The following PCMT1 variants were observed in gnomAD, a reference collection of about 807,000 sequenced individuals.
PCMT1 encodes the protein protein-L-isoaspartate (D-aspartate) O-methyltransferase.
PCMT1 carries 9 observed loss-of-function variants against 29.2 expected under a neutral mutation model. That is an observed-to-expected ratio of 0.31 (90% CI 0.19 to 0.54). The LOEUF (loss-of-function observed/expected upper bound fraction) is 0.54. PCMT1 is among the 20% of genes least tolerant of loss of function. PCMT1 has a pLI of 0.95. For synonymous variants in PCMT1, 98 were observed against 97.5 expected (o/e 1.00, Z -0.03); for missense variants, 184 against 282.2 (o/e 0.65, Z 2.49).
intron 7 of PCMT1, among the ~76,000 whole-genome samples, chr6:149,808,933 G>GC (rs78799831): frequency 1 from 150,862 of 150,866 alleles, 75,429 homozygotes; most frequent in Middle Eastern, 1. Flanking sequence ...ACTGCCCCTG[G>GC]CAAATTGTAG....
intron 3 of PCMT1, among the ~76,000 whole-genome samples, chr6:149,786,356 G>A (rs1298489868): frequency 1.8e-5 from 2 of 109,432 alleles, no homozygotes; most frequent in Non-Finnish European, 3.6e-5. Flanking sequence ...GCGGCTGGCC[G>A]GGCGGGGGGC....
At chr6:149,803,073 A>C (rs1489602761) in intron 7 of PCMT1, among the ~76,000 whole-genome samples, 1 of 150,846 alleles carries the variant, frequency 6.6e-6, no homozygotes. Flanking sequence ...AAAAAAAAAA[A>C]AAAAAAAAAC....
At chr6:149,779,872 T>C (rs1270796351) in intron 3 of PCMT1, among the ~76,000 whole-genome samples, 1 of 151,896 alleles carries the variant, frequency 6.6e-6, no homozygotes, top group Admixed American at 6.6e-5. Context: ...TCTAGCATGG[T>C]TGGGAAATTG....
chr6:149,752,737 T>C (rs1786372024), intron 1 of PCMT1, among the ~76,000 whole-genome samples: 1 of 152,204 alleles, frequency 6.6e-6, no homozygotes, highest in South Asian at 2.1e-4. Flanking sequence ...TTAAGTAATT[T>C]TCCACCGGTA....
chr6:149,806,570 T>A (rs938908528), intron 7 of PCMT1, among the ~76,000 whole-genome samples: 13 of 152,060 alleles, frequency 8.5e-5, no homozygotes, highest in South Asian at 6.2e-4. Flanking sequence ...TTTCAAACTT[T>A]CCGTTTTTGT....
chr6:149,806,497 C>T (rs1394839056), intron 7 of PCMT1, among the ~76,000 whole-genome samples: 1 of 152,204 alleles, frequency 6.6e-6, no homozygotes, highest in East Asian at 1.9e-4. Flanking sequence ...TCACTGTTTT[C>T]TGGGAATTAT....
At chr6:149,788,191 G>A (rs1788206906) in intron 3 of PCMT1, among the ~76,000 whole-genome samples, 1 of 152,166 alleles carries the variant, frequency 6.6e-6, no homozygotes, top group Non-Finnish European at 1.5e-5. Context: ...GGGATTACAG[G>A]TGTGAGCCAC....
rs375088137 is a variant in PCMT1, at chr6:149,794,527, A to T, written c.418+858A>T. Among the ~76,000 whole-genome samples the T allele has an allele frequency of 2.0e-5, 3 of 152,322 alleles. No homozygotes were observed. In the East Asian group the frequency reaches 5.8e-4, roughly 29 times the overall value. The stretch of plus-strand genomic sequence containing the variant: ...TAGCTACTCGGGAGGCTGAGGCAGG[A>T]GAATCGCTTGAACCCGAGAGGTGGA... On this transcript the variant is annotated intron_variant, in intron 5 of 7. Transcript: ENST00000464889.
At chr6:149,792,341 T>C (rs1316792094) in intron 4 of PCMT1, among the ~76,000 whole-genome samples, 1 of 152,072 alleles carries the variant, frequency 6.6e-6, no homozygotes, top group East Asian at 1.9e-4. Flanking sequence ...ACGGTTAACT[T>C]GCCAAGGTAT....
intron 1 of PCMT1, among the ~76,000 whole-genome samples, chr6:149,751,991 G>T (rs905698977): frequency 1.3e-5 from 2 of 150,166 alleles, no homozygotes; most frequent in Non-Finnish European, 3.0e-5. Flanking sequence ...TCCCACTTCA[G>T]CCTCCTGAGT....
chr6:149,773,599 C>T (rs956770509), intron 3 of PCMT1, among the ~76,000 whole-genome samples: 2 of 152,118 alleles, frequency 1.3e-5, no homozygotes, highest in East Asian at 1.9e-4. Context: ...AGGATGGTCT[C>T]GATCTCCTGA....
chr6:149,755,308 C>A (rs1786464958), intron 1 of PCMT1, among the ~76,000 whole-genome samples: 1 of 151,994 alleles, frequency 6.6e-6, no homozygotes, highest in South Asian at 2.1e-4. Context: ...GTCTCAGCTA[C>A]ATGAGCTACG....
At chr6:149,755,562 A>G (rs1016283135) in intron 1 of PCMT1, among the ~76,000 whole-genome samples, 1 of 152,222 alleles carries the variant, frequency 6.6e-6, no homozygotes, top group Non-Finnish European at 1.5e-5. Flanking sequence ...CACTGAAAGC[A>G]ATTGTTCTTT....
intron 1 of PCMT1, among the ~76,000 whole-genome samples, chr6:149,750,746 T>C (rs963079709): frequency 3.3e-5 from 5 of 152,164 alleles, no homozygotes; most frequent in Non-Finnish European, 1.5e-5. Flanking sequence ...TTAGTTACTG[T>C]ATTCCTTCTT....
chr6:149,789,804 C>T (rs1788280251), intron 3 of PCMT1, 150 bp from the exon 4 acceptor site: 9 of 458,226 alleles, frequency 2.0e-5, no homozygotes, highest in Non-Finnish European at 3.1e-5. Flanking sequence ...AAACAGTTTA[C>T]TTAAGTAATA....
chr6:149,761,576 A>G (rs9397805), intron 1 of PCMT1, among the ~76,000 whole-genome samples: 16,395 of 152,126 alleles, frequency 0.11, 1,388 homozygotes, highest in East Asian at 0.46. Flanking sequence ...TATTTACACA[A>G]TACAAACCTA....
intron 3 of PCMT1, among the ~76,000 whole-genome samples, chr6:149,785,830 A>G (rs1208772279): frequency 6.6e-6 from 1 of 152,154 alleles, no homozygotes; most frequent in Non-Finnish European, 1.5e-5. Context: ...CACGGCAACC[A>G]TCCGATTTCT....
chr6:149,792,479 A>G (rs1462598741), intron 4 of PCMT1, among the ~76,000 whole-genome samples: 1 of 152,172 alleles, frequency 6.6e-6, no homozygotes, highest in African/African-American at 2.4e-5. Flanking sequence ...TAATTTACAA[A>G]TAAATATGCA....
chr6:149,785,859 T>TC (rs1256484756), intron 3 of PCMT1, among the ~76,000 whole-genome samples: 2 of 152,072 alleles, frequency 1.3e-5, no homozygotes, highest in African/African-American at 2.4e-5. Context: ...TCCCCACCTT[T>TC]CCCCCCTTTC....
Sources: gnomAD v4.1 joint callset for allele counts (sites outside exome capture counted in the v4.1 genomes callset) on GRCh38, gnomAD v4.1.1 for gene constraint, MANE v1.5 for transcripts, NCBI Gene and HGNC (gene_info 2026-07-23, HGNC 2026-07-21) for gene names.